Variants in ZNF276 observed in about 807,000 individuals in gnomAD.
ZNF276 encodes the protein centromere protein Z.
ZNF276 carries 59 observed loss-of-function variants against 63.9 expected under a neutral mutation model. The observed-to-expected ratio is 0.92, with a 90% CI of 0.75 to 1.15. The LOEUF is 1.15. Ranked by LOEUF, ZNF276 falls within the 50% of genes most tolerant of loss-of-function variation. The pLI, the probability that ZNF276 is intolerant of heterozygous loss-of-function variation, is 0.00. For missense variants in ZNF276, 1,084 were observed against 843.8 expected (o/e 1.28, Z -3.53); for synonymous variants, 496 against 348.4 (o/e 1.42, Z -4.72).
chr16:89,736,357 C>T (rs1598031001), intron 9 of ZNF276, among the ~76,000 whole-genome samples: 1 of 135,258 alleles, frequency 7.4e-6, no homozygotes, highest in Admixed American at 7.3e-5. Flanking sequence ...CCGGGACAGT[C>T]TGTGTCGCCC....
rs191455979 is a variant in ZNF276 at position 89,735,028 on chromosome 16, A to G, written c.1474+990A>G. Reference sequence around the variant, plus strand: ...ACAAAAATTATCTGGGTGTGGTGGCACACGCCTGTAGGCACAGCTACTTGG... The same window carrying G: ...ACAAAAATTATCTGGGTGTGGTGGCGCACGCCTGTAGGCACAGCTACTTGG... On this transcript the variant is annotated intron_variant, in intron 9 of 10. Transcript: ENST00000443381. Among the ~76,000 whole-genome samples, 418 of 152,050 alleles carry G rather than the reference A, an allele frequency of 2.7e-3. 1 individual carries two copies. The highest frequency in any genetic ancestry group is 9.7e-3 in the African/African-American group (402 of 41,528).
intron 8 of ZNF276, 135 bp downstream of exon 8, chr16:89,733,692 A>G: frequency 1.9e-6 from 2 of 1,025,934 alleles, no homozygotes; most frequent in South Asian, 2.9e-5. Flanking sequence ...GACCTGAAGC[A>G]GTCCTAGCCA....
rs757962291 is a variant in ZNF276 at position 89,737,921 on chromosome 16, G to GC, written c.1574+16_1574+17insC. The GC allele has an allele frequency of 1.9e-6, 3 of 1,571,354 alleles. No homozygotes were observed. Among genetic ancestry groups the GC allele is most frequent in the African/African-American group, 3.4e-5 (2 of 58,452 alleles). ...AGCCTTTGCAGTAAGTGTGAGTCAG[G>GC]ACCCCCTCCCAGGGCTGTGGCCCTC... On this transcript the variant is annotated intron_variant, in intron 10 of 10. Transcript: ENST00000443381.
intron 4 of ZNF276, among the ~76,000 whole-genome samples, chr16:89,725,259 G>T (rs1188336484): frequency 1.3e-5 from 2 of 151,516 alleles, no homozygotes; most frequent in African/African-American, 4.9e-5. Flanking sequence ...TGTTGGCCAG[G>T]CTTGGTCTCG....
rs1169348139 is a variant in ZNF276 at position 89,723,146 on chromosome 16, C to G, written c.519C>G (p.Ala173=). The part of the protein sequence containing the change: ...GRRKPCAKVG[A]QPPTGAEEGA... ...CACTGATCCTTTGCAGGGTCGGTGC[C>G]CAGCCCCCAACAGGGGCAGAGGAGG... Residue 173 remains alanine (A), a synonymous_variant, in exon 3 of 11, where the codon GCC becomes GCG. Transcript: ENST00000443381. The G allele has an allele frequency of 6.2e-7, 1 of 1,613,088 alleles. No individual in the cohort carries two copies. Among genetic ancestry groups the G allele is most frequent in the South Asian group, 1.1e-5 (1 of 91,088 alleles).
chr16:89,724,215 A>G (rs931018246), intron 4 of ZNF276, among the ~76,000 whole-genome samples: 13 of 152,348 alleles, frequency 8.5e-5, no homozygotes, highest in African/African-American at 3.1e-4. Context: ...TTTGGGCCCC[A>G]GAACCCATAG....
In ZNF276 at chr16:89,737,971, C is replaced by T. The variant is rs1444437000; in HGVS notation, c.1575-5C>T. 4 of 1,614,152 alleles carry T rather than the reference C, an allele frequency of 2.5e-6. No individual in the cohort carries two copies. Among genetic ancestry groups the T allele is most frequent in the African/African-American group, 2.7e-5 (2 of 75,060 alleles). On this transcript the variant is annotated splice_region_variant and splice_polypyrimidine_tract_variant and intron_variant, in intron 10 of 10. Transcript: ENST00000443381. ...CGCACCTTCTTATCTGCCTCTGTCC[C>T]CCAGGTGTGAGGTCTGTGGGTTCCA...
chr16:89,738,166 C>T lies in ZNF276; in HGVS notation c.1765C>T (p.Leu589=), dbSNP rs1460344346. ...ACAGACCCAGGACAAGGCCCTGCCC[C>T]TGGAGGCGGAACCACCACCTGGGCC... The part of the protein sequence containing the change: ...LTQTQDKALP[L]EAEPPPGPPS... The change falls in exon 11 of 11, where the codon CTG becomes TTG. Residue 589 remains leucine, a synonymous_variant. Coordinates refer to ENST00000443381, the MANE Select transcript of ZNF276 (RefSeq NM_001113525.2). 9.3e-6 allele frequency: 15 copies of T among 1,613,194 alleles called. No homozygotes were observed. The highest frequency in any genetic ancestry group is 1.3e-5 in the Non-Finnish European group (15 of 1,179,902).
intron 6 of ZNF276, chr16:89,731,996 C>A (rs4785714): frequency 0.33 from 50,602 of 152,192 alleles, 9,594 homozygotes; most frequent in Middle Eastern, 0.43. Context: ...GAATCCGTAT[C>A]TTGTTCCTGA....
At chr16:89,737,208 C>CCT (rs1255440858) in intron 9 of ZNF276, among the ~76,000 whole-genome samples, 14 of 152,122 alleles carry the variant, frequency 9.2e-5, no homozygotes, top group African/African-American at 3.4e-4. Context: ...TCTATACAAC[C>CCT]TTAGTGATAC....
chr16:89,723,963 A>G (rs901163329), intron 4 of ZNF276, among the ~76,000 whole-genome samples: 4 of 152,254 alleles, frequency 2.6e-5, no homozygotes, highest in Non-Finnish European at 5.9e-5. Context: ...AGACACGCTC[A>G]TCAGCCGTCG....
At chr16:89,734,430 A>G (rs943137057) in intron 9 of ZNF276, among the ~76,000 whole-genome samples, 5 of 152,022 alleles carry the variant, frequency 3.3e-5, no homozygotes, top group East Asian at 1.9e-4. Context: ...GGTTCAATCA[A>G]TTCTCCCGCC....
chr16:89,740,111 AG>A lies in ZNF276; in HGVS notation c.*1867del. 1 of 1,612,670 alleles carries A rather than the reference AG, an allele frequency of 6.2e-7. No individual in the cohort carries two copies. On this transcript the variant is annotated 3_prime_UTR_variant, in exon 11 of 11. Transcript: ENST00000443381. ...AGGTCTGTGGTGCTCTGTAAACCGC[AG>A]GAGACCAACCCTGAGAATGGCCGAC...
At chr16:89,728,694 A>C (rs191524033) in intron 5 of ZNF276, among the ~76,000 whole-genome samples, 7 of 151,414 alleles carry the variant, frequency 4.6e-5, no homozygotes, top group South Asian at 2.1e-4. Context: ...TAGCCACCGC[A>C]CCCGGCCAAT....
rs780029818 is a variant in ZNF276 at position 89,723,566 on chromosome 16, G to T, written c.863G>T (p.Gly288Val). 9 of 1,612,794 alleles carry T rather than the reference G, an allele frequency of 5.6e-6. No individual in the cohort carries two copies. The African/African-American group carries it at 8.0e-5, about 14-fold the overall frequency. The change falls in exon 4 of 11, where the codon GGT (glycine) becomes GTT (valine). Residue 288 changes from glycine (G) to valine (V), a missense_variant. By Grantham distance (109) the Gly-to-Val change is moderately radical (BLOSUM62 -3). Coordinates refer to ENST00000443381, the MANE Select transcript of ZNF276 (RefSeq NM_001113525.2). ...NPGDAPQTSQ[G>V]RGTGTPVGAE... Reference sequence around the variant, plus strand: ...GGGGATGCCCCTCAGACCTCCCAGGGTAGAGGGACAGGGACCCCAGTTGGG... The same window carrying T: ...GGGGATGCCCCTCAGACCTCCCAGGTTAGAGGGACAGGGACCCCAGTTGGG...
rs773203161 is a variant in ZNF276 at position 89,737,985 on chromosome 16, C to G, written c.1584C>G (p.Val528=). Reference sequence around the variant, plus strand: ...TGCCTCTGTCCCCCAGGTGTGAGGTCTGTGGGTTCCAGTGCAGGCAGCGGG... The same window carrying G: ...TGCCTCTGTCCCCCAGGTGTGAGGTGTGTGGGTTCCAGTGCAGGCAGCGGG... ...HSGAKPLQCE[V]CGFQCRQRAS... Residue 528 remains valine, a synonymous_variant, in exon 11 of 11, where the codon GTC becomes GTG. Coordinates refer to ENST00000443381, the MANE Select transcript of ZNF276 (RefSeq NM_001113525.2). 5 of 1,614,188 alleles carry G rather than the reference C, an allele frequency of 3.1e-6. No homozygotes were observed. The highest frequency in any genetic ancestry group is 8.5e-7 in the Non-Finnish European group (1 of 1,180,038).
At chr16:89,721,461 C>G, upstream of ZNF276, 1 of 536,422 alleles carries the variant, frequency 1.9e-6, no homozygotes, top group Non-Finnish European at 3.0e-6. Flanking sequence ...GGTGGAACCT[C>G]GGCCGGCGGG....
At chr16:89,724,324 C>G (rs761711780) in intron 4 of ZNF276, among the ~76,000 whole-genome samples, 1 of 152,206 alleles carries the variant, frequency 6.6e-6, no homozygotes, top group African/African-American at 2.4e-5. Context: ...GTGCACCTGT[C>G]CCCACCTGAG....
upstream of ZNF276, chr16:89,720,741 C>T: frequency 2.8e-6 from 4 of 1,431,030 alleles, no homozygotes; most frequent in Non-Finnish European, 1.8e-6. Flanking sequence ...AGCGGCCAAG[C>T]CCCGCCCCCG....
Sources: gnomAD v4.1 joint callset for allele counts (sites outside exome capture counted in the v4.1 genomes callset) on GRCh38, gnomAD v4.1.1 for gene constraint, MANE v1.5 for transcripts, NCBI Gene and HGNC (gene_info 2026-07-23, HGNC 2026-07-21) for gene names.